The following NKAIN3 variants were observed in gnomAD, a reference collection of about 807,000 sequenced individuals.
The protein encoded by NKAIN3 is sodium/potassium-transporting ATPase subunit beta-1-interacting protein 3.
NKAIN3 carries 25 observed loss-of-function variants against 30.2 expected under a neutral mutation model. The ratio of observed to expected loss-of-function variants is 0.83; its 90% CI spans 0.60 to 1.16. The LOEUF (loss-of-function observed/expected upper bound fraction) is 1.16. Ranked by LOEUF, NKAIN3 falls within the 50% of genes most tolerant of loss-of-function variation. The probability of loss-of-function intolerance (pLI) is 0.00; values close to 1 mark genes in which losing one functional copy is unlikely to be tolerated. For synonymous variants in NKAIN3, 91 were observed against 89.6 expected (o/e 1.02, Z -0.09); for missense variants, 225 against 254.1 (o/e 0.89, Z 0.78).
chr8:62,831,795 A>G (rs1819205450), intron 4 of NKAIN3, among the ~76,000 whole-genome samples: 1 of 152,172 alleles, frequency 6.6e-6, no homozygotes, highest in Non-Finnish European at 1.5e-5. Flanking sequence ...AACATATTTG[A>G]GACAATAATT....
At chr8:62,863,094 A>G (rs892812198) in intron 4 of NKAIN3, 1 of 1,208,174 alleles carries the variant, frequency 8.3e-7, no homozygotes, top group Non-Finnish European at 1.2e-6. Context: ...AGTTAAGAAA[A>G]GGGTATTCCC....
At position 62,587,219 on chromosome 8, in the gene NKAIN3, A is replaced by T. The variant is rs372608926; in HGVS notation, c.193-2495A>T. Among the ~76,000 whole-genome samples, 45 of 152,076 alleles carry T rather than the reference A, an allele frequency of 3.0e-4. No homozygotes were observed. The South Asian group carries it at 9.1e-3, about 31-fold the overall frequency. On this transcript the variant is annotated intron_variant, in intron 2 of 6. Coordinates refer to ENST00000623646, the MANE Select transcript of NKAIN3 (RefSeq NM_001304533.3). Reference sequence around the variant, plus strand: ...CAGATTTGTGTCTCAAGTGCACATTAAGGTATACTTCATACCTTATAACAA... The same window carrying T: ...CAGATTTGTGTCTCAAGTGCACATTTAGGTATACTTCATACCTTATAACAA...
At chr8:62,957,653 T>C (rs1823459951) in intron 6 of NKAIN3, among the ~76,000 whole-genome samples, 1 of 152,176 alleles carries the variant, frequency 6.6e-6, no homozygotes, top group Non-Finnish European at 1.5e-5. Flanking sequence ...TCCAATTATA[T>C]GGCTTTTTGG....
At chr8:62,840,906 A>T (rs1442446193) in intron 4 of NKAIN3, among the ~76,000 whole-genome samples, 1 of 152,156 alleles carries the variant, frequency 6.6e-6, no homozygotes, top group Non-Finnish European at 1.5e-5. Flanking sequence ...CCTCTGGAAC[A>T]GCTAGGAGTA....
chr8:62,450,389 A>G (rs1468219951), intron 1 of NKAIN3, among the ~76,000 whole-genome samples: 1 of 152,160 alleles, frequency 6.6e-6, no homozygotes, highest in African/African-American at 2.4e-5. Flanking sequence ...ATTCTCCTCC[A>G]ATTACACTTC....
At chr8:62,647,491 G>T (rs1033502674) in intron 3 of NKAIN3, among the ~76,000 whole-genome samples, 3 of 152,166 alleles carry the variant, frequency 2.0e-5, no homozygotes, top group Non-Finnish European at 4.4e-5. Flanking sequence ...CAAATCTACA[G>T]GTGCGGTGTG....
At chr8:62,558,327 G>A (rs953298543) in intron 1 of NKAIN3, among the ~76,000 whole-genome samples, 1 of 152,108 alleles carries the variant, frequency 6.6e-6, no homozygotes, top group Non-Finnish European at 1.5e-5. Flanking sequence ...AGTATAGCTT[G>A]AAATCAGGTA....
At chr8:62,904,706 C>A (rs1821725671) in intron 4 of NKAIN3, among the ~76,000 whole-genome samples, 1 of 152,204 alleles carries the variant, frequency 6.6e-6, no homozygotes, top group African/African-American at 2.4e-5. Context: ...CTTTGCAATG[C>A]AATTCTTCTC....
chr8:62,350,513 G>A (rs1165775277), intron 1 of NKAIN3, among the ~76,000 whole-genome samples: 3 of 152,082 alleles, frequency 2.0e-5, no homozygotes, highest in South Asian at 4.1e-4. Context: ...AGCGTGGGAC[G>A]ATGATGAAAA....
chr8:62,471,561 G>A (rs1806346351), intron 1 of NKAIN3, among the ~76,000 whole-genome samples: 1 of 152,152 alleles, frequency 6.6e-6, no homozygotes, highest in Admixed American at 6.5e-5. Context: ...TCCTGTTGGA[G>A]GAAGTATATA....
intron 3 of NKAIN3, among the ~76,000 whole-genome samples, chr8:62,660,075 G>T (rs1179801686): frequency 6.6e-6 from 1 of 152,092 alleles, no homozygotes; most frequent in Non-Finnish European, 1.5e-5. Context: ...ATGCCTCAGG[G>T]GGAGGTCTGC....
intron 4 of NKAIN3, among the ~76,000 whole-genome samples, chr8:62,837,334 C>T (rs965612263): frequency 3.9e-5 from 6 of 152,108 alleles, no homozygotes; most frequent in Non-Finnish European, 7.4e-5. Flanking sequence ...TAATAATGAT[C>T]ACAACTGCTG....
intron 4 of NKAIN3, among the ~76,000 whole-genome samples, chr8:62,755,956 T>G (rs1026680861): frequency 2.0e-5 from 3 of 152,300 alleles, no homozygotes; most frequent in Admixed American, 6.5e-5. Flanking sequence ...GTACACCTGG[T>G]CAGTCAAATT....
rs1230984932 is a variant in NKAIN3, at chr8:62,978,981, C to G, written c.*13574C>G. 6.5e-6 allele frequency: 1 copy of G among 152,956 alleles called. No individual in the cohort carries two copies. The highest frequency in any genetic ancestry group is 2.4e-5 in the African/African-American group (1 of 41,414). 9.5% of individuals were successfully genotyped at this position (152,956 alleles called of 1,614,324 possible). On this transcript the variant is annotated 3_prime_UTR_variant, in exon 7 of 7. Transcript: ENST00000623646. ...GGCTAGGGGAGGGAGTTCCCCAACC[C>G]CTTGCACTTCCCAGGTGAGGCAATG...
In NKAIN3 at chr8:62,329,672, G is replaced by T. The variant is rs115245035; in HGVS notation, c.54+80545G>T. 8.1e-3 allele frequency among the ~76,000 whole-genome samples: 1,234 copies of T among 152,126 alleles called. 24 individuals carry two copies. The highest frequency in any genetic ancestry group is 0.028 in the African/African-American group (1,166 of 41,524). ...GTGGTACTGCAAAGGGCATGATTTTGTTCTTTTTTATGGCTGCATGATATT... is the reference window on the plus strand; with the variant it reads ...GTGGTACTGCAAAGGGCATGATTTTTTTCTTTTTTATGGCTGCATGATATT... On this transcript the variant is annotated intron_variant, in intron 1 of 6. Coordinates refer to ENST00000623646, the MANE Select transcript of NKAIN3 (RefSeq NM_001304533.3).
intron 1 of NKAIN3, among the ~76,000 whole-genome samples, chr8:62,283,980 G>A (rs147394356): frequency 3.9e-5 from 6 of 152,230 alleles, no homozygotes; most frequent in African/African-American, 1.2e-4. Context: ...TTAAAGTGAC[G>A]TGTAAAAATT....
At chr8:62,697,811 T>C (rs1219178083) in intron 3 of NKAIN3, among the ~76,000 whole-genome samples, 1 of 152,246 alleles carries the variant, frequency 6.6e-6, no homozygotes, top group Non-Finnish European at 1.5e-5. Context: ...TTGCAAAAGA[T>C]GTAATTTCTA....
At chr8:62,575,600 A>G (rs181854272) in intron 1 of NKAIN3, among the ~76,000 whole-genome samples, 14 of 152,246 alleles carry the variant, frequency 9.2e-5, no homozygotes, top group African/African-American at 3.4e-4. Flanking sequence ...GCTTCACAGA[A>G]ATAGAAAAAA....
At chr8:62,793,248 GA>G in intron 4 of NKAIN3, among the ~76,000 whole-genome samples, 1 of 151,864 alleles carries the variant, frequency 6.6e-6, no homozygotes, top group Non-Finnish European at 1.5e-5. Context: ...GGACTCAGCT[GA>G]TGGAAATGAT....
Sources: allele counts gnomAD v4.1 joint callset (sites outside exome capture counted in the v4.1 genomes callset), GRCh38; gene constraint gnomAD v4.1.1; transcripts MANE v1.5; gene names NCBI Gene and HGNC (gene_info 2026-07-23, HGNC 2026-07-21).